Variants in NUP214 observed in about 807,000 individuals in gnomAD.
NUP214 encodes the protein nucleoporin 214.
In NUP214, 79 loss-of-function variants were observed where a neutral mutation model predicts 196.2. The observed-to-expected ratio is 0.40, with a 90% CI of 0.34 to 0.49. The LOEUF is 0.49. NUP214 is among the 20% of genes least tolerant of loss of function. The pLI is 0.58. For synonymous variants in NUP214, 1,020 were observed against 990.5 expected, an observed-to-expected ratio of 1.03 and a Z score of -0.56; for missense variants, 2,468 against 2,539.0, an observed-to-expected ratio of 0.97 and a Z score of 0.60.
At chr9:131,207,823 T>TG (rs1441370593) in intron 30 of NUP214, among the ~76,000 whole-genome samples, 1 of 152,300 alleles carries the variant, frequency 6.6e-6, no homozygotes, top group South Asian at 2.1e-4. Flanking sequence ...CAGCAGCTGC[T>TG]GGGGGCAGAT....
intron 8 of NUP214, 140 bp from the exon 9 acceptor site, chr9:131,135,800 A>C (rs1444435137): frequency 1.6e-6 from 1 of 609,448 alleles, no homozygotes; most frequent in Non-Finnish European, 2.9e-6. Context: ...GAATCTTCCC[A>C]CCTTTGTTCA....
chr9:131,221,995 A>G (rs1222131294), intron 31 of NUP214, among the ~76,000 whole-genome samples: 1 of 152,178 alleles, frequency 6.6e-6, no homozygotes, highest in Non-Finnish European at 1.5e-5. Context: ...ATTCTCAGCC[A>G]TCTTGGTTTT....
At chr9:131,179,065 T>A (rs1833195323) in intron 24 of NUP214, among the ~76,000 whole-genome samples, 1 of 152,094 alleles carries the variant, frequency 6.6e-6, no homozygotes, top group South Asian at 2.1e-4. Context: ...AGTACGATCA[T>A]GGCACACTGT....
At chr9:131,144,808 GTTA>G in intron 12 of NUP214, 54 bp downstream of exon 12, 1 of 1,318,638 alleles carries the variant, frequency 7.6e-7, no homozygotes, top group Non-Finnish European at 1.0e-6. Context: ...AATATTGGAT[GTTA>G]TTTACTAAAA....
chr9:131,172,651 G>A (rs371675292), intron 21 of NUP214, among the ~76,000 whole-genome samples: 2 of 152,196 alleles, frequency 1.3e-5, no homozygotes, highest in South Asian at 2.1e-4. Context: ...TAGTGCAATC[G>A]AGGAATTGAT....
At position 131,130,828 on chromosome 9, in the gene NUP214, T is replaced by G; in HGVS notation, c.655T>G (p.Tyr219Asp). 1 of 1,614,098 alleles carries G rather than the reference T, an allele frequency of 6.2e-7. No homozygotes were observed. The highest frequency in any genetic ancestry group is 1.7e-4 in the Middle Eastern group (1 of 6,044). Residue 219 changes from tyrosine (Y) to aspartate (D), a missense_variant, in exon 5 of 36, where the codon TAT becomes GAT. This residue lies in a region of NUP214 where 392 missense variants were observed against 417.9 expected (regional missense o/e 0.94). Coordinates refer to ENST00000359428, the MANE Select transcript of NUP214 (RefSeq NM_005085.4). ...AAAACAGAATGGAACTGTGGTCCAGTATCTTCCTGTAAGTTCTTATCTTGA... is the reference window on the plus strand; with the variant it reads ...AAAACAGAATGGAACTGTGGTCCAGGATCTTCCTGTAAGTTCTTATCTTGA... ...VGKQNGTVVQ[Y>D]LPTLQEKKVI...
intron 33 of NUP214, chr9:131,228,662 G>A (rs1209121700): frequency 4.8e-6 from 1 of 210,016 alleles, no homozygotes; most frequent in Non-Finnish European, 9.5e-6. Flanking sequence ...AGGTGCCCCG[G>A]TGTGGAGCTT....
chr9:131,156,950 T>A (rs1446935720), intron 17 of NUP214, among the ~76,000 whole-genome samples: 1 of 152,200 alleles, frequency 6.6e-6, no homozygotes, highest in Non-Finnish European at 1.5e-5. Context: ...ACATACTTAA[T>A]TGAATGCCTC....
chr9:131,136,004 C>G lies in NUP214; in HGVS notation c.1003C>G (p.Gln335Glu), dbSNP rs762427456. The part of the protein sequence containing the change: ...EVSILARQSD[Q>E]INWESWLLED... ...TAGTATCCTTGCTCGACAAAGTGAT[C>G]AGGTAAATCTCTTTTTTGTCACTTC... Residue 335 changes from glutamine (Q) to glutamate (E), a missense_variant and splice_region_variant, in exon 9 of 36, where the codon CAG becomes GAG. Physicochemically the swap from Gln to Glu is conservative, Grantham distance 29. Transcript: ENST00000359428. The G allele has an allele frequency of 9.9e-6, 16 of 1,610,296 alleles. No homozygotes were observed. The highest frequency in any genetic ancestry group is 1.4e-5 in the Non-Finnish European group (16 of 1,176,584).
chr9:131,215,897 A>ATTTT (rs768564629), intron 31 of NUP214, among the ~76,000 whole-genome samples: 17 of 123,708 alleles, frequency 1.4e-4, no homozygotes, highest in South Asian at 2.6e-4. Flanking sequence ...TCTTTAGCTA[A>ATTTT]TTTTTTTTTT....
At chr9:131,156,397 G>C (rs977700189) in intron 17 of NUP214, among the ~76,000 whole-genome samples, 1 of 151,744 alleles carries the variant, frequency 6.6e-6, no homozygotes, top group African/African-American at 2.4e-5. Flanking sequence ...CTCCCAAAGT[G>C]CTGGGATTAC....
chr9:131,170,455 G>GT (rs1467186882), intron 21 of NUP214, among the ~76,000 whole-genome samples: 5 of 152,174 alleles, frequency 3.3e-5, no homozygotes, highest in African/African-American at 9.7e-5. Flanking sequence ...CCTGAACTGG[G>GT]TACATATTTG....
At chr9:131,158,549 A>C (rs1832528227) in intron 17 of NUP214, among the ~76,000 whole-genome samples, 1 of 152,272 alleles carries the variant, frequency 6.6e-6, no homozygotes, top group African/African-American at 2.4e-5. Flanking sequence ...TTTTGCAAAC[A>C]AATGAGTATT....
chr9:131,168,363 C>G (rs1414285977), intron 21 of NUP214, among the ~76,000 whole-genome samples: 2 of 152,186 alleles, frequency 1.3e-5, no homozygotes, highest in East Asian at 1.9e-4. Context: ...ATTGGATCAA[C>G]TTTATTGAGG....
At chr9:131,221,478 G>A (rs1327742404) in intron 31 of NUP214, among the ~76,000 whole-genome samples, 1 of 152,294 alleles carries the variant, frequency 6.6e-6, no homozygotes, top group East Asian at 1.9e-4. Flanking sequence ...TAACCATGGT[G>A]GCTCTCCTAT....
chr9:131,171,571 A>G (rs1235561940), intron 21 of NUP214, among the ~76,000 whole-genome samples: 1 of 126,838 alleles, frequency 7.9e-6, no homozygotes. Flanking sequence ...TTTTTGTTAT[A>G]CTTTAAGTTT....
intron 30 of NUP214, among the ~76,000 whole-genome samples, chr9:131,214,920 T>C (rs1314005836): frequency 6.6e-6 from 1 of 152,218 alleles, no homozygotes; most frequent in Non-Finnish European, 1.5e-5. Context: ...ACCCTGGCAT[T>C]GTGTCAAACA....
Position 131,233,925 on chromosome 9 carries a change from CT to C in NUP214, c.*443del. 1 of 273,510 alleles carries C rather than the reference CT, an allele frequency of 3.7e-6. No homozygotes were observed. Among genetic ancestry groups the C allele is most frequent in the Admixed American group, 5.2e-5 (1 of 19,312 alleles). 16.9% of individuals were successfully genotyped at this position (273,510 alleles called of 1,614,324 possible). A position where few individuals can be genotyped will look rare whatever the true frequency, so the allele number is the denominator to read the frequency against. ...AAGAGGTTGAATGCTGGTGGGTCAT[CT>C]TTTTGAGGCTGAAACTTGGTTATCT... is the stretch of plus-strand genomic sequence containing the variant. On this transcript the variant is annotated 3_prime_UTR_variant, in exon 36 of 36. Coordinates refer to ENST00000359428, the MANE Select transcript of NUP214 (RefSeq NM_005085.4).
intron 18 of NUP214, among the ~76,000 whole-genome samples, chr9:131,161,549 G>A (rs924333378): frequency 3.9e-5 from 6 of 152,082 alleles, no homozygotes; most frequent in African/African-American, 1.4e-4. Context: ...GAGCCACCGC[G>A]CCTGGCCTGA....
Sources: gnomAD v4.1 joint callset for allele counts (sites outside exome capture counted in the v4.1 genomes callset) on GRCh38, gnomAD v4.1.1 for gene constraint, gnomAD v4.1.1 regional missense constraint, MANE v1.5 for transcripts, NCBI Gene and HGNC (gene_info 2026-07-23, HGNC 2026-07-21) for gene names.